PAPPA2: variants seen among roughly 807,000 people sequenced by gnomAD.
The protein encoded by PAPPA2 is pappalysin 2.
Under a neutral mutation model 176.4 loss-of-function variants are expected in PAPPA2, and 86 were observed. The ratio of observed to expected loss-of-function variants is 0.49; its 90% CI spans 0.41 to 0.58. PAPPA2 has a LOEUF of 0.58. PAPPA2 is among the 20% of genes least tolerant of loss of function. The pLI is 0.00. For synonymous variants in PAPPA2, 809 were observed against 852.2 expected (o/e 0.95, Z 0.88); for missense variants, 2,073 against 2,256.9 (o/e 0.92, Z 1.65).
At chr1:176,572,980 A>C (rs1321833685) in intron 2 of PAPPA2, among the ~76,000 whole-genome samples, 2 of 152,186 alleles carry the variant, frequency 1.3e-5, no homozygotes, top group African/African-American at 4.8e-5. Flanking sequence ...AGGGATCTCA[A>C]AATTATTTAT....
chr1:176,711,799 C>G, intron 11 of PAPPA2, 36 bp from the exon 12 acceptor site: 2 of 1,579,916 alleles, frequency 1.3e-6, no homozygotes, highest in South Asian at 2.2e-5. Context: ...TCTTCACACT[C>G]CACACTTCAA....
At chr1:176,549,619 G>A (rs895520252) in intron 1 of PAPPA2, among the ~76,000 whole-genome samples, 2 of 152,168 alleles carry the variant, frequency 1.3e-5, no homozygotes, top group African/African-American at 4.8e-5. Context: ...GATGGAGCTG[G>A]AACTTTAAGC....
At chr1:176,574,411 T>C (rs1652527791) in intron 2 of PAPPA2, among the ~76,000 whole-genome samples, 1 of 152,180 alleles carries the variant, frequency 6.6e-6, no homozygotes, top group Non-Finnish European at 1.5e-5. Context: ...CTATTAAGTT[T>C]GGTTTATCTA....
chr1:176,732,182 G>A (rs1459967269), intron 12 of PAPPA2, among the ~76,000 whole-genome samples: 1 of 152,104 alleles, frequency 6.6e-6, no homozygotes, highest in Admixed American at 6.6e-5. Flanking sequence ...TTATAGGAAA[G>A]TTGACAAGAT....
At chr1:176,718,777 T>C (rs1661488155) in intron 12 of PAPPA2, among the ~76,000 whole-genome samples, 1 of 151,944 alleles carries the variant, frequency 6.6e-6, no homozygotes, top group Admixed American at 6.6e-5. Flanking sequence ...TCTTTGAAAT[T>C]TGTTGAGCCT....
intron 14 of PAPPA2, among the ~76,000 whole-genome samples, chr1:176,749,083 C>G (rs376883375): frequency 1.2e-3 from 4 of 3,328 alleles, no homozygotes; most frequent in African/African-American, 2.8e-3. Context: ...CATACACATA[C>G]ACCAATGTGG....
intron 3 of PAPPA2, among the ~76,000 whole-genome samples, chr1:176,630,656 A>G (rs960162960): frequency 8.6e-5 from 13 of 152,024 alleles, no homozygotes; most frequent in East Asian, 5.8e-4. Context: ...AAAAGTGGAG[A>G]AAAAAAAGAT....
At chr1:176,518,415 T>C (rs1649031856) in intron 1 of PAPPA2, among the ~76,000 whole-genome samples, 1 of 151,372 alleles carries the variant, frequency 6.6e-6, no homozygotes, top group Admixed American at 6.6e-5. Context: ...TTCAGTGCCT[T>C]TATGGAGTTA....
intron 1 of PAPPA2, among the ~76,000 whole-genome samples, chr1:176,482,519 C>T (rs536841196): frequency 2.0e-5 from 3 of 152,260 alleles, no homozygotes; most frequent in African/African-American, 7.2e-5. Context: ...CGGGCATGAA[C>T]AGGAAAAATG....
rs773670049 is a variant in PAPPA2, at chr1:176,692,264, A to G, written c.2570A>G (p.Asn857Ser). 6.2e-6 allele frequency: 10 copies of G among 1,614,056 alleles called. No individual in the cohort carries two copies. Among genetic ancestry groups the G allele is most frequent in the South Asian group, 3.3e-5 (3 of 91,070 alleles). The change falls in exon 6 of 23, where the codon AAC (asparagine) becomes AGC (serine). Residue 857 changes from asparagine (N) to serine (S), a missense_variant. By Grantham distance (46) the Asn-to-Ser change is conservative (BLOSUM62 1). Around this residue, in one of 4 missense-constraint regions of PAPPA2, gnomAD observed 1,196 missense variants for 1,330.4 expected, o/e 0.90. Transcript: ENST00000367662. ...PIPPMVIGQTNKSLTIHWLPP... is the reference protein window; with the variant it reads ...PIPPMVIGQTSKSLTIHWLPP... ...CCACCTATGGTCATCGGACAGACCA[A>G]CAAGTCCCTCACTATCCACTGGCTG...
intron 20 of PAPPA2, among the ~76,000 whole-genome samples, chr1:176,795,070 C>T (rs765851946): frequency 4.6e-5 from 7 of 152,200 alleles, no homozygotes; most frequent in Non-Finnish European, 1.0e-4. Flanking sequence ...GGCCTCTGCC[C>T]AATGCCCCTG....
intron 1 of PAPPA2, among the ~76,000 whole-genome samples, chr1:176,471,712 A>G (rs1366963489): frequency 2.0e-5 from 3 of 152,208 alleles, no homozygotes; most frequent in Non-Finnish European, 2.9e-5. Context: ...GTTTAGTTTT[A>G]TCTATTTAAA....
At position 176,690,321 on chromosome 1, in the gene PAPPA2, C is replaced by G. The variant is rs775792026; in HGVS notation, c.2322C>G (p.Thr774=). ...AAACGGGAGACCTCTGTGCCGACAC[C>G]GCCCCCACTCCCAAGAGTGAGCTGT... The part of the protein sequence containing the change: ...SMETGDLCAD[T]APTPKSELCR... The change falls in exon 5 of 23, where the codon ACC becomes ACG. Residue 774 remains threonine, a synonymous_variant. Transcript: ENST00000367662. The G allele has an allele frequency of 1.2e-6, 2 of 1,614,014 alleles. No homozygotes were observed. Among genetic ancestry groups the G allele is most frequent in the South Asian group, 2.2e-5 (2 of 91,078 alleles).
intron 2 of PAPPA2, 79 bp from the exon 3 acceptor site, chr1:176,594,445 A>G (rs1172591431): frequency 3.3e-6 from 4 of 1,215,772 alleles, no homozygotes; most frequent in Non-Finnish European, 3.4e-6. Flanking sequence ...TGTTATTTAC[A>G]TGGGCTTTCT....
chr1:176,478,695 T>A (rs1451220981), intron 1 of PAPPA2, among the ~76,000 whole-genome samples: 1 of 152,194 alleles, frequency 6.6e-6, no homozygotes, highest in Non-Finnish European at 1.5e-5. Context: ...AAACAGAGAA[T>A]GGCCAGGGAG....
intron 17 of PAPPA2, among the ~76,000 whole-genome samples, chr1:176,774,394 G>C (rs964874383): frequency 6.6e-6 from 1 of 152,086 alleles, no homozygotes; most frequent in Non-Finnish European, 1.5e-5. Flanking sequence ...TCTTAACTAT[G>C]CAAAACAGAG....
rs140012878 is a variant in PAPPA2, at chr1:176,775,362, C to T, written c.4715+4182C>T. ...AAGGAAAGGAGAGGTTTTTCTTATG[C>T]GGTGATAGAGATCCCTGTTTCAAAT... On this transcript the variant is annotated intron_variant, in intron 17 of 22. Transcript: ENST00000367662. 4.7e-3 allele frequency among the ~76,000 whole-genome samples: 716 copies of T among 152,122 alleles called. 11 individuals are homozygous for T. Among genetic ancestry groups the T allele is most frequent in the African/African-American group, 0.016 (680 of 41,518 alleles).
At chr1:176,692,089 A>T in intron 5 of PAPPA2, 37 bp from the exon 6 acceptor site, 1 of 1,553,538 alleles carries the variant, frequency 6.4e-7, no homozygotes, top group Non-Finnish European at 8.8e-7. Context: ...ATGGGTTAAA[A>T]TCTCCATCTC....
At chr1:176,520,131 A>G (rs1346605855) in intron 1 of PAPPA2, among the ~76,000 whole-genome samples, 2 of 152,190 alleles carry the variant, frequency 1.3e-5, no homozygotes, top group African/African-American at 4.8e-5. Flanking sequence ...CTTACTCTAG[A>G]CAAGGAACAA....
Sources: gnomAD v4.1 joint callset for allele counts (sites outside exome capture counted in the v4.1 genomes callset) on GRCh38, gnomAD v4.1.1 for gene constraint, gnomAD v4.1.1 regional missense constraint, MANE v1.5 for transcripts, NCBI Gene and HGNC (gene_info 2026-07-23, HGNC 2026-07-21) for gene names.